BICRAL: variants seen among roughly 807,000 people sequenced by gnomAD.
The protein encoded by BICRAL is BRD4-interacting chromatin-remodeling complex-associated protein-like.
Under a neutral mutation model 91.8 loss-of-function variants are expected in BICRAL, and 8 were observed. The ratio of observed to expected loss-of-function variants is 0.09; its 90% CI spans 0.05 to 0.16. The LOEUF (loss-of-function observed/expected upper bound fraction) is 0.16, where lower values mean the gene tolerates loss of function less well. Ranked by LOEUF, BICRAL falls within the 10% of genes least tolerant of loss-of-function variation. The pLI, the probability that BICRAL is intolerant of heterozygous loss-of-function variation, is 1.00. For missense variants in BICRAL, 1,038 were observed against 1,310.9 expected, an observed-to-expected ratio of 0.79 and a Z score of 3.21; for synonymous variants, 445 against 491.1, an observed-to-expected ratio of 0.91 and a Z score of 1.24.
chr6:42,839,093 G>T (rs1163506216), intron 6 of BICRAL, among the ~76,000 whole-genome samples: 2 of 151,994 alleles, frequency 1.3e-5, no homozygotes, highest in Non-Finnish European at 2.9e-5. Context: ...CCAGCTACTT[G>T]GGACGCTGAG....
At chr6:42,838,230 A>G (rs542493819) in intron 6 of BICRAL, among the ~76,000 whole-genome samples, 9 of 152,298 alleles carry the variant, frequency 5.9e-5, no homozygotes, top group African/African-American at 2.2e-4. Flanking sequence ...ACAGTTTTTC[A>G]CTTTAGAATC....
intron 8 of BICRAL, among the ~76,000 whole-genome samples, chr6:42,855,137 C>T (rs1765309443): frequency 6.6e-6 from 1 of 152,174 alleles, no homozygotes; most frequent in South Asian, 2.1e-4. Context: ...CGTTAGATCA[C>T]ACACCTGGAC....
intron 6 of BICRAL, among the ~76,000 whole-genome samples, chr6:42,837,089 C>T (rs150968104): frequency 0.014 from 2,160 of 151,894 alleles, 46 homozygotes; most frequent in African/African-American, 0.05. Context: ...GGACTACAGG[C>T]GTGTGCCACC....
At chr6:42,854,058 C>G (rs963232419) in intron 8 of BICRAL, among the ~76,000 whole-genome samples, 2 of 152,196 alleles carry the variant, frequency 1.3e-5, no homozygotes, top group Non-Finnish European at 2.9e-5. Flanking sequence ...TAGGTGATAT[C>G]GTTCACTATT....
chr6:42,802,431 G>T (rs558438391), intron 1 of BICRAL, among the ~76,000 whole-genome samples: 10,094 of 106,632 alleles, frequency 0.095, 389 homozygotes, highest in East Asian at 0.16. Flanking sequence ...GTTTTTTTTT[G>T]TTGTTGTTGT....
chr6:42,755,189 G>A (rs1260714712), intron 1 of BICRAL, among the ~76,000 whole-genome samples: 1 of 152,138 alleles, frequency 6.6e-6, no homozygotes, highest in East Asian at 1.9e-4. Context: ...GGCTGGGTAT[G>A]GTGTGGATGT....
At chr6:42,853,822 C>A in intron 8 of BICRAL, 84 bp downstream of exon 8, 1 of 1,048,034 alleles carries the variant, frequency 9.5e-7, no homozygotes, top group Non-Finnish European at 1.5e-6. Context: ...TGGTTGCTGG[C>A]TAGCTTTGTG....
chr6:42,782,294 G>T (rs1457986380), intron 1 of BICRAL, among the ~76,000 whole-genome samples, 193 bp downstream of exon 1: 2 of 132,262 alleles, frequency 1.5e-5, no homozygotes, highest in Non-Finnish European at 3.1e-5. Context: ...AGGATATTAG[G>T]TTTCAGCCCA....
chr6:42,835,854 C>T (rs140618080), intron 6 of BICRAL, among the ~76,000 whole-genome samples: 2 of 152,256 alleles, frequency 1.3e-5, no homozygotes, highest in Non-Finnish European at 2.9e-5. Context: ...CATCTGAGTC[C>T]GGGAACGTCA....
intron 1 of BICRAL, among the ~76,000 whole-genome samples, chr6:42,797,127 T>G (rs1174533555): frequency 2.0e-5 from 3 of 151,242 alleles, no homozygotes; most frequent in Admixed American, 6.6e-5. Context: ...AAAGGAAGAT[T>G]TTGTTGACCA....
At chr6:42,798,526 G>A (rs34401788) in intron 1 of BICRAL, among the ~76,000 whole-genome samples, 71,680 of 151,890 alleles carry the variant, frequency 0.47, 18,509 homozygotes, top group African/African-American at 0.69. Flanking sequence ...GTGAAACCCC[G>A]TCTCTACTAA....
intron 5 of BICRAL, among the ~76,000 whole-genome samples, chr6:42,825,810 C>T (rs1490509642): frequency 1.5e-5 from 2 of 129,532 alleles, no homozygotes; most frequent in African/African-American, 6.8e-5. Flanking sequence ...CATATTTTGG[C>T]CAGGCACGGT....
At chr6:42,857,637 T>TATATATATATATATATATATATATATA (rs1554283197) in intron 10 of BICRAL, among the ~76,000 whole-genome samples, 2 of 94,182 alleles carry the variant, frequency 2.1e-5, no homozygotes, top group African/African-American at 1.4e-4. Flanking sequence ...ATATATATAT[T>TATATATATATATATATATATATATATA]TTTTAGGAGG....
At chr6:42,854,996 C>T (rs1276703812) in intron 8 of BICRAL, among the ~76,000 whole-genome samples, 3 of 152,266 alleles carry the variant, frequency 2.0e-5, no homozygotes, top group Non-Finnish European at 2.9e-5. Flanking sequence ...TCCATCAGAC[C>T]TACCAATTAG....
At chr6:42,853,817 G>C (rs758462670) in intron 8 of BICRAL, 79 bp downstream of exon 8, 3 of 1,081,460 alleles carry the variant, frequency 2.8e-6, no homozygotes, top group Non-Finnish European at 4.2e-6. Flanking sequence ...CTTTGTGGTT[G>C]CTGGCTAGCT....
intron 1 of BICRAL, among the ~76,000 whole-genome samples, chr6:42,749,672 A>G (rs939229557): frequency 2.0e-5 from 3 of 152,148 alleles, no homozygotes; most frequent in Non-Finnish European, 4.4e-5. Flanking sequence ...ATTATTATAT[A>G]TCAATAAAAA....
intron 6 of BICRAL, among the ~76,000 whole-genome samples, chr6:42,845,231 T>G (rs1218001901): frequency 1.7e-4 from 15 of 88,778 alleles, no homozygotes; most frequent in South Asian, 1.6e-3. Flanking sequence ...TTTTTTTTTT[T>G]TTTTTTTTTT....
At chr6:42,813,252 C>T (rs142761557) in intron 2 of BICRAL, among the ~76,000 whole-genome samples, 1 of 151,846 alleles carries the variant, frequency 6.6e-6, no homozygotes, top group African/African-American at 2.4e-5. Context: ...ACCCTAACCA[C>T]TGGAAGCATG....
intron 1 of BICRAL, among the ~76,000 whole-genome samples, chr6:42,756,591 C>T (rs112646731): frequency 0.014 from 2,104 of 152,190 alleles, 60 homozygotes; most frequent in African/African-American, 0.048. Context: ...CCAAACACCT[C>T]ATGTTTAGGA....
Sources: gnomAD v4.1 joint callset for allele counts (sites outside exome capture counted in the v4.1 genomes callset) on GRCh38, gnomAD v4.1.1 for gene constraint, MANE v1.5 for transcripts, NCBI Gene and HGNC (gene_info 2026-07-23, HGNC 2026-07-21) for gene names.